OTUD7A: variants seen among roughly 807,000 people sequenced by gnomAD.
OTUD7A encodes the protein OTU domain-containing protein 7A.
OTUD7A carries 12 observed loss-of-function variants against 65.7 expected under a neutral mutation model. The ratio of observed to expected loss-of-function variants is 0.18; its 90% CI spans 0.12 to 0.30. The LOEUF is 0.30. Ranked by LOEUF, OTUD7A falls within the 10% of genes least tolerant of loss-of-function variation. The pLI is 1.00. For missense variants in OTUD7A, 1,148 were observed against 1,304.8 expected (o/e 0.88, Z 1.85); for synonymous variants, 641 against 586.3 (o/e 1.09, Z -1.35).
At chr15:31,720,049 GAATA>G (rs375471253) in intron 1 of OTUD7A, among the ~76,000 whole-genome samples, 115 of 152,264 alleles carry the variant, frequency 7.6e-4, no homozygotes, top group African/African-American at 2.6e-3. Context: ...TCTATTGACA[GAATA>G]ATTAAGAAAT....
intron 1 of OTUD7A, among the ~76,000 whole-genome samples, chr15:31,668,417 C>T (rs1222943980): frequency 1.3e-5 from 2 of 152,166 alleles, no homozygotes; most frequent in African/African-American, 2.4e-5. Flanking sequence ...GAATTTCTTT[C>T]TTATACTTGT....
chr15:31,727,430 C>T (rs1893923346), intron 1 of OTUD7A, among the ~76,000 whole-genome samples: 1 of 151,984 alleles, frequency 6.6e-6, no homozygotes, highest in South Asian at 2.1e-4. Context: ...TTTTTTTCCC[C>T]ACTGCTGTCT....
At chr15:31,654,706 T>A (rs1566962204) in intron 3 of OTUD7A, among the ~76,000 whole-genome samples, 1 of 152,222 alleles carries the variant, frequency 6.6e-6, no homozygotes, top group Admixed American at 6.5e-5. Flanking sequence ...CAATTTCTCA[T>A]GCAGCAAATG....
At chr15:31,687,779 A>G (rs549530326) in intron 1 of OTUD7A, among the ~76,000 whole-genome samples, 200 of 152,342 alleles carry the variant, frequency 1.3e-3, no homozygotes, top group African/African-American at 4.6e-3. Flanking sequence ...CTGAGGTCCC[A>G]ATAAACTAAT....
At chr15:31,610,030 C>T (rs1455288635) in intron 3 of OTUD7A, among the ~76,000 whole-genome samples, 1 of 151,546 alleles carries the variant, frequency 6.6e-6, no homozygotes, top group Non-Finnish European at 1.5e-5. Flanking sequence ...AGGGAACACC[C>T]TGTGGGACAA....
At chr15:31,526,013 G>A (rs1156467192) in intron 8 of OTUD7A, among the ~76,000 whole-genome samples, 1 of 152,242 alleles carries the variant, frequency 6.6e-6, no homozygotes, top group Non-Finnish European at 1.5e-5. Context: ...GTGACCTCCA[G>A]AGGCCTGCTG....
chr15:31,554,392 C>A (rs1888424421), intron 5 of OTUD7A, among the ~76,000 whole-genome samples: 1 of 152,204 alleles, frequency 6.6e-6, no homozygotes, highest in Non-Finnish European at 1.5e-5. Context: ...CGCCGTTACA[C>A]ATCTCTGACT....
intron 8 of OTUD7A, among the ~76,000 whole-genome samples, chr15:31,510,287 C>T (rs974132832): frequency 1.3e-5 from 2 of 151,894 alleles, no homozygotes; most frequent in African/African-American, 4.8e-5. Context: ...CTGCGACAGT[C>T]CCCGCTCTCT....
chr15:31,859,333 T>C (rs901893138), intron 1 of OTUD7A, among the ~76,000 whole-genome samples: 2 of 152,236 alleles, frequency 1.3e-5, no homozygotes, highest in Non-Finnish European at 2.9e-5. Context: ...TTACTTTTTA[T>C]GGTAAAAACA....
intron 1 of OTUD7A, among the ~76,000 whole-genome samples, chr15:31,790,509 A>T (rs1225201893): frequency 6.6e-6 from 1 of 151,924 alleles, no homozygotes; most frequent in Non-Finnish European, 1.5e-5. Context: ...AAGAGGAAGG[A>T]AGGATAAAAA....
intron 1 of OTUD7A, among the ~76,000 whole-genome samples, chr15:31,727,896 C>A (rs542438684): frequency 6.6e-6 from 1 of 152,244 alleles, no homozygotes; most frequent in Admixed American, 6.5e-5. Context: ...TAAATGACAC[C>A]CCAGGGCTCC....
chr15:31,484,092 C>G lies in OTUD7A; in HGVS notation c.2004G>C (p.Ala668=). Residue 668 remains alanine (A), a synonymous_variant, in exon 13 of 13, where the codon GCG becomes GCC. Transcript: ENST00000307050. This position sits in a 1 kb window ranked among gnomAD's most constrained non-coding sequence, Gnocchi z 4.5. ...CCTGCTCGGCGCTGAAGCGCTCCTGCGCGCTCGTCAGGTAGTAGCCGATCA... is the reference window on the plus strand; with the variant it reads ...CCTGCTCGGCGCTGAAGCGCTCCTGGGCGCTCGTCAGGTAGTAGCCGATCA... ...EEMIGYYLTS[A]QERFSAEQEQ... is the part of the protein sequence containing the mutation. 1.9e-6 allele frequency: 3 copies of G among 1,600,246 alleles called. No individual in the cohort carries two copies. The highest frequency in any genetic ancestry group is 2.5e-6 in the Non-Finnish European group (3 of 1,178,400).
intron 1 of OTUD7A, among the ~76,000 whole-genome samples, chr15:31,841,354 G>A (rs1036231108): frequency 1.3e-5 from 2 of 152,198 alleles, no homozygotes; most frequent in African/African-American, 4.8e-5. Flanking sequence ...CTGCTGAATG[G>A]TGGATGTCCT....
intron 3 of OTUD7A, among the ~76,000 whole-genome samples, chr15:31,582,158 C>T (rs1293335155): frequency 6.6e-6 from 1 of 152,244 alleles, no homozygotes; most frequent in Non-Finnish European, 1.5e-5. Context: ...TCTGCTAAAA[C>T]ATAGCAAGAG....
intron 5 of OTUD7A, chr15:31,557,026 C>T (rs1241596718): frequency 6.6e-6 from 1 of 150,920 alleles, no homozygotes; most frequent in Non-Finnish European, 1.5e-5. Context: ...GGCTGCGAAG[C>T]AGCTGAGATG....
chr15:31,603,710 A>G (rs1020439024), intron 3 of OTUD7A, among the ~76,000 whole-genome samples: 2 of 152,238 alleles, frequency 1.3e-5, no homozygotes, highest in Non-Finnish European at 2.9e-5. Flanking sequence ...CAATGGGCTA[A>G]TATCTAGAAT....
At chr15:31,759,223 T>C (rs1232497559) in intron 1 of OTUD7A, among the ~76,000 whole-genome samples, 4 of 152,216 alleles carry the variant, frequency 2.6e-5, no homozygotes, top group Admixed American at 2.6e-4. Flanking sequence ...TTAGAATCAC[T>C]TGTGCATCTT....
chr15:31,776,130 G>T (rs1232491864), intron 1 of OTUD7A, among the ~76,000 whole-genome samples: 1 of 152,174 alleles, frequency 6.6e-6, no homozygotes, highest in African/African-American at 2.4e-5. Context: ...GTGCATTCTG[G>T]GCCTATGCTT....
At chr15:31,728,234 C>G (rs1236906741) in intron 1 of OTUD7A, among the ~76,000 whole-genome samples, 1 of 152,142 alleles carries the variant, frequency 6.6e-6, no homozygotes, top group Non-Finnish European at 1.5e-5. Context: ...CTTAAACTGC[C>G]TTCTTTCACG....
Sources: gnomAD v4.1 joint callset for allele counts (sites outside exome capture counted in the v4.1 genomes callset) on GRCh38, gnomAD v4.1.1 for gene constraint, Gnocchi (gnomAD v3.1) non-coding constraint, MANE v1.5 for transcripts, NCBI Gene and HGNC (gene_info 2026-07-23, HGNC 2026-07-21) for gene names.